The following LTBP4 variants were observed in gnomAD, a reference collection of about 807,000 sequenced individuals.
LTBP4 encodes latent transforming growth factor beta binding protein 4.
A neutral mutation model predicts 180.2 loss-of-function variants in LTBP4; 93 were observed. The ratio of observed to expected loss-of-function variants is 0.52; its 90% CI spans 0.44 to 0.61. The LOEUF (loss-of-function observed/expected upper bound fraction) is 0.61. Ranked by LOEUF, LTBP4 falls within the 20% of genes least tolerant of loss-of-function variation. LTBP4 has a pLI of 0.00. For synonymous variants in LTBP4, 947 were observed against 934.5 expected, an observed-to-expected ratio of 1.01 and a Z score of -0.24; for missense variants, 2,116 against 2,256.5, an observed-to-expected ratio of 0.94 and a Z score of 1.26.
rs4624303 is a variant in LTBP4, at chr19:40,614,665, C to G, written c.2812+219C>G. On this transcript the variant is annotated intron_variant, in intron 19 of 29. Coordinates refer to ENST00000396819, the MANE Select transcript of LTBP4 (RefSeq NM_001042545.2). ...CCTCCCTTCCAGCCGCAGTCCATTC[C>G]CCCTCTGCAGCTGAAGCCCGGTCCA... Among the ~76,000 whole-genome samples the G allele has an allele frequency of 0.14, 22,029 of 152,162 alleles. 1,963 individuals carry two copies. The highest frequency in any genetic ancestry group is 0.26 in the African/African-American group (10,958 of 41,486).
chr19:40,613,089 C>A lies in LTBP4; in HGVS notation c.2324C>A (p.Ala775Asp), dbSNP rs776497323. The change falls in exon 16 of 30, where the codon GCC becomes GAC. Residue 775 changes from alanine (A) to aspartate (D), a missense_variant. By Grantham distance (126) the Ala-to-Asp change is moderately radical (BLOSUM62 -2). Around this residue, in one of 5 missense-constraint regions of LTBP4, gnomAD observed 877 missense variants for 873.6 expected, o/e 1.00. Transcript: ENST00000396819. The surrounding 1 kb of genome is among the most constrained non-coding windows in gnomAD (Gnocchi z 5.0). Reference protein sequence around the residue: ...CTDVDECSSGAPPCGPHGHCT... With the variant: ...CTDVDECSSGDPPCGPHGHCT... ...GATGTGGACGAATGCAGTTCGGGTGCCCCTCCCTGTGGTCCCCACGGCCAC... is the reference window on the plus strand; with the variant it reads ...GATGTGGACGAATGCAGTTCGGGTGACCCTCCCTGTGGTCCCCACGGCCAC... 8 of 1,611,478 alleles carry A rather than the reference C, an allele frequency of 5.0e-6. No homozygotes were observed. In the South Asian group the frequency reaches 7.7e-5, roughly 16 times the overall value.
At chr19:40,607,601 C>T in intron 7 of LTBP4, 72 bp downstream of exon 7, 2 of 1,465,864 alleles carry the variant, frequency 1.4e-6, no homozygotes, top group South Asian at 1.3e-5. Context: ...CACCCTCCAA[C>T]CCTGAGTTCA....
At chr19:40,614,473 T>TA in intron 19 of LTBP4, 27 bp downstream of exon 19, 1 of 1,591,616 alleles carries the variant, frequency 6.3e-7, no homozygotes, top group Non-Finnish European at 8.5e-7. Context: ...CCGCCTTCGC[T>TA]AGCGCTTGCA....
intron 26 of LTBP4, among the ~76,000 whole-genome samples, chr19:40,625,181 A>G (rs2146047918): frequency 7.0e-6 from 1 of 141,956 alleles, no homozygotes; most frequent in Admixed American, 7.2e-5. Flanking sequence ...TGCCCAAATG[A>G]TCCTCCCACC....
chr19:40,613,888 C>T lies in LTBP4; in HGVS notation c.2558-28C>T, dbSNP rs753468226. 8 of 1,612,848 alleles carry T rather than the reference C, an allele frequency of 5.0e-6. No homozygotes were observed. The highest frequency in any genetic ancestry group is 2.2e-5 in the South Asian group (2 of 91,036). On this transcript the variant is annotated intron_variant, in intron 17 of 29. Transcript: ENST00000396819. The surrounding 1 kb of genome is among the most constrained non-coding windows in gnomAD (Gnocchi z 5.0). Reference sequence around the variant, plus strand: ...AATGTTAGGCGGAGCGGGAGGTGGGCCGGGCCTTCGGACGCCCTGTCCCGC... The same window carrying T: ...AATGTTAGGCGGAGCGGGAGGTGGGTCGGGCCTTCGGACGCCCTGTCCCGC...
intron 26 of LTBP4, among the ~76,000 whole-genome samples, chr19:40,625,255 TATATATATATATATATATATA>T (rs2081616652): frequency 5.2e-4 from 1 of 1,912 alleles, no homozygotes; most frequent in Non-Finnish European, 9.8e-4. Context: ...TTTGTATTTA[TATATATATATATATATATATA>T]TATATATATA....
intron 6 of LTBP4, 90 bp downstream of exon 6, chr19:40,606,616 C>A: frequency 3.5e-6 from 5 of 1,447,040 alleles, no homozygotes; most frequent in African/African-American, 1.4e-5. Context: ...TTCCCTCGGA[C>A]CCCCCCAGAC....
In LTBP4 at chr19:40,608,518, T is replaced by G; in HGVS notation, c.1341T>G (p.Pro447=). 1 of 1,606,864 alleles carries G rather than the reference T, an allele frequency of 6.2e-7. No individual in the cohort carries two copies. Among genetic ancestry groups the G allele is most frequent in the Non-Finnish European group, 8.5e-7 (1 of 1,176,916 alleles). The change falls in exon 9 of 30, where the codon CCT becomes CCG. Residue 447 remains proline, a synonymous_variant. Transcript: ENST00000396819. Reference sequence around the variant, plus strand: ...CCACCCATCGCCTGGAGCCCCGGCCTGAACCCCGGCCCGATCCCCGGCCCG... The same window carrying G: ...CCACCCATCGCCTGGAGCCCCGGCCGGAACCCCGGCCCGATCCCCGGCCCG... ...FLPTHRLEPR[P]EPRPDPRPGP... is the part of the protein sequence containing the mutation.
rs2081619106 is a variant in LTBP4 at position 40,625,277 on chromosome 19, TATATATATATATATATATATA to T, written c.3833-579_3833-559del. Among the ~76,000 whole-genome samples the T allele has an allele frequency of 2.2e-3, 17 of 7,678 alleles. 2 individuals carry two copies. The highest frequency in any genetic ancestry group is 0.011 in the African/African-American group (17 of 1,610). 5.0% of individuals were successfully genotyped at this position (7,678 alleles called of 152,430 possible). ...TTATATATATATATATATATATATA[TATATATATATATATATATATA>T]TATATATATATATATATATTTTTTT... On this transcript the variant is annotated intron_variant, in intron 26 of 29. Transcript: ENST00000396819.
chr19:40,600,600 C>T (rs958406458), upstream of LTBP4, among the ~76,000 whole-genome samples: 4 of 152,192 alleles, frequency 2.6e-5, no homozygotes, highest in Non-Finnish European at 5.9e-5. This position sits in a 1 kb window ranked among gnomAD's most constrained non-coding sequence, Gnocchi z 4.4. Flanking sequence ...GCCCTCCTCC[C>T]GCTCCAGCTC....
intron 28 of LTBP4, among the ~76,000 whole-genome samples, 165 bp from the exon 29 acceptor site, chr19:40,627,540 C>A (rs1381738768): frequency 6.6e-6 from 1 of 152,102 alleles, no homozygotes; most frequent in Non-Finnish European, 1.5e-5. Context: ...GGAAAGCTGG[C>A]GAGAGAATGA....
intron 27 of LTBP4, among the ~76,000 whole-genome samples, chr19:40,626,473 G>A (rs1001301460): frequency 4.0e-5 from 6 of 151,876 alleles, no homozygotes; most frequent in African/African-American, 7.3e-5. Context: ...CACCACATCC[G>A]GGTGCCTAAG....
chr19:40,600,716 G>T (rs367728124), upstream of LTBP4, among the ~76,000 whole-genome samples: 3 of 152,058 alleles, frequency 2.0e-5, no homozygotes, highest in South Asian at 6.2e-4. The surrounding 1 kb of genome is among the most constrained non-coding windows in gnomAD (Gnocchi z 4.4). Context: ...TCTTCCAGAT[G>T]TGAGCCTCGG....
At chr19:40,597,105 C>G, upstream of LTBP4, 2 of 903,460 alleles carry the variant, frequency 2.2e-6, no homozygotes, top group Non-Finnish European at 2.9e-6. Flanking sequence ...AGTTCGCAGC[C>G]CGTGGCTGGA....
In LTBP4 at chr19:40,626,979, C is replaced by G; in HGVS notation, c.3990C>G (p.Asp1330Glu). Residue 1330 changes from aspartate to glutamate, a missense_variant, in exon 28 of 30, where the codon GAC becomes GAG. Physicochemically the swap from Asp to Glu is conservative, Grantham distance 45 (BLOSUM62 2). This residue lies in a region of LTBP4 where 488 missense variants were observed against 458.8 expected (regional missense o/e 1.06). Transcript: ENST00000396819. ...CALCPAQDSD[D>E]FEALCNVLRP... The stretch of plus-strand genomic sequence containing the variant: ...TGCCTTGGCTCCTGTTCCCAGATGA[C>G]TTCGAGGCCCTGTGCAATGTGCTAC... 6.4e-7 allele frequency: 1 copy of G among 1,550,630 alleles called. No individual in the cohort carries two copies. Among genetic ancestry groups the G allele is most frequent in the Non-Finnish European group, 8.7e-7 (1 of 1,144,786 alleles).
In LTBP4 at chr19:40,605,153, G is replaced by C. The variant is rs2081449711; in HGVS notation, c.369G>C (p.Pro123=). Residue 123 remains proline, a synonymous_variant, in exon 2 of 30, where the codon CCG becomes CCC. Transcript: ENST00000396819. This position sits in a 1 kb window ranked among gnomAD's most constrained non-coding sequence, Gnocchi z 5.5. ...CQLHSSGARP[P]APAVPGLTRS... Reference sequence around the variant, plus strand: ...TGCACTCCTCGGGCGCCCGGCCCCCGGCCCCGGCTGTACCAGGCCTCACCC... The same window carrying C: ...TGCACTCCTCGGGCGCCCGGCCCCCCGCCCCGGCTGTACCAGGCCTCACCC... 4 of 1,611,952 alleles carry C rather than the reference G, an allele frequency of 2.5e-6. No individual in the cohort carries two copies. Among genetic ancestry groups the C allele is most frequent in the African/African-American group, 2.7e-5 (2 of 74,836 alleles).
intron 29 of LTBP4, 110 bp downstream of exon 29, chr19:40,627,967 C>T (rs1413719106): frequency 1.1e-5 from 15 of 1,395,778 alleles, no homozygotes; most frequent in African/African-American, 1.4e-5. Context: ...GACCTCACTA[C>T]AGGGGACGGG....
rs748534221 is a variant in LTBP4 at position 40,605,387 on chromosome 19, C to G, written c.443-18C>G. The G allele has an allele frequency of 1.6e-5, 25 of 1,612,192 alleles. 1 individual carries two copies. The South Asian group carries it at 2.7e-4, about 18-fold the overall frequency. ...GAACCCGTGTAGACATCCGTTTGCC[C>G]GGCCGTGCCTCCCCTAGGCGTGGCA... is the stretch of plus-strand genomic sequence containing the variant. On this transcript the variant is annotated intron_variant, in intron 2 of 29. Transcript: ENST00000396819. The surrounding 1 kb of genome is among the most constrained non-coding windows in gnomAD (Gnocchi z 5.5).
chr19:40,618,901 A>G (rs1374331783), intron 21 of LTBP4, among the ~76,000 whole-genome samples: 1 of 152,196 alleles, frequency 6.6e-6, no homozygotes, highest in Non-Finnish European at 1.5e-5. Context: ...CTTCTATTGC[A>G]TGATTTTCAG....
Sources: gnomAD v4.1 joint callset for allele counts (sites outside exome capture counted in the v4.1 genomes callset) on GRCh38, gnomAD v4.1.1 for gene constraint, gnomAD v4.1.1 regional missense constraint, Gnocchi (gnomAD v3.1) non-coding constraint, MANE v1.5 for transcripts, NCBI Gene and HGNC (gene_info 2026-07-23, HGNC 2026-07-21) for gene names.